Variants in ABCB5 observed in about 807,000 individuals in gnomAD.
ABCB5 encodes ATP-binding cassette sub-family B member 5.
Under a neutral mutation model 144.2 loss-of-function variants are expected in ABCB5, and 155 were observed. The observed-to-expected ratio is 1.08, with a 90% CI of 0.94 to 1.23. The LOEUF (loss-of-function observed/expected upper bound fraction) is 1.23, where lower values mean the gene tolerates loss of function less well. Ranked by LOEUF, ABCB5 falls within the 50% of genes most tolerant of loss-of-function variation. The pLI, the probability that ABCB5 is intolerant of heterozygous loss-of-function variation, is 0.00. For synonymous variants in ABCB5, 610 were observed against 528.6 expected (o/e 1.15, Z -2.11); for missense variants, 1,830 against 1,520.8 (o/e 1.20, Z -3.38).
chr7:20,753,218 C>A, intron 26 of ABCB5, 142 bp from the exon 27 acceptor site: 2 of 1,020,092 alleles, frequency 2.0e-6, no homozygotes, highest in Non-Finnish European at 2.8e-6. Context: ...CAACAAAGCC[C>A]AAGAATAGAT....
At chr7:20,677,022 T>A (rs915378267) in intron 14 of ABCB5, among the ~76,000 whole-genome samples, 3 of 152,210 alleles carry the variant, frequency 2.0e-5, no homozygotes, top group Non-Finnish European at 2.9e-5. Context: ...TTAATTACCT[T>A]GTAATGTATT....
chr7:20,721,791 T>G (rs1781876983), intron 20 of ABCB5, among the ~76,000 whole-genome samples: 1 of 152,224 alleles, frequency 6.6e-6, no homozygotes, highest in Admixed American at 6.5e-5. Context: ...AGTTAAGAAT[T>G]CACTTTAGAA....
chr7:20,752,803 G>C (rs1248827793), intron 26 of ABCB5, among the ~76,000 whole-genome samples: 1 of 152,092 alleles, frequency 6.6e-6, no homozygotes, highest in Non-Finnish European at 1.5e-5. Context: ...CCAAGATTGC[G>C]CCACTGCACT....
intron 14 of ABCB5, among the ~76,000 whole-genome samples, chr7:20,671,599 C>G (rs1451911639): frequency 1.3e-5 from 2 of 152,220 alleles, no homozygotes; most frequent in Admixed American, 1.3e-4. Flanking sequence ...TAGCTTCTTT[C>G]ATTCAGCATA....
intron 14 of ABCB5, 109 bp downstream of exon 14, chr7:20,658,785 A>T (rs1583402735): frequency 7.7e-7 from 1 of 1,302,080 alleles, no homozygotes; most frequent in African/African-American, 1.5e-5. Flanking sequence ...AGCCCTCTTA[A>T]GGTATAAAGG....
intron 8 of ABCB5, 33 bp from the exon 9 acceptor site, chr7:20,645,928 A>C (rs747577831): frequency 1.9e-6 from 3 of 1,612,450 alleles, no homozygotes; most frequent in Non-Finnish European, 2.5e-6. Flanking sequence ...TATTTTCCCC[A>C]GTGGCTACTA....
At chr7:20,633,912 G>C (rs1784093813) in intron 5 of ABCB5, among the ~76,000 whole-genome samples, 1 of 152,050 alleles carries the variant, frequency 6.6e-6, no homozygotes, top group African/African-American at 2.4e-5. Context: ...GGGCAGTTGT[G>C]TTACATGGAT....
Position 20,753,484 on chromosome 7 carries a change from C to A in ABCB5, c.3554C>A (p.Ala1185Asp), listed in dbSNP as rs377131299. Residue 1185 changes from alanine to aspartate, a missense_variant, in exon 27 of 28, where the codon GCC becomes GAC. Transcript: ENST00000404938. ...TTATTGTTGGATGAGGCCACTTCAG[C>A]CCTCGATAATGACAGTGAGAAGGTA... is the stretch of plus-strand genomic sequence containing the variant. The part of the protein sequence containing the change: ...KILLLDEATS[A>D]LDNDSEKVVQ... 250 of 1,613,354 alleles carry A rather than the reference C, an allele frequency of 1.5e-4. No homozygotes were observed. Among genetic ancestry groups the A allele is most frequent in the Non-Finnish European group, 2.0e-4 (233 of 1,179,718 alleles).
At chr7:20,717,196 A>G (rs1781701238) in intron 20 of ABCB5, among the ~76,000 whole-genome samples, 2 of 152,136 alleles carry the variant, frequency 1.3e-5, no homozygotes, top group African/African-American at 4.8e-5. Context: ...GGGGGGTGGG[A>G]GGCAGAGGAG....
chr7:20,675,799 AT>A (rs1464531427), intron 14 of ABCB5, among the ~76,000 whole-genome samples: 13 of 152,022 alleles, frequency 8.6e-5, no homozygotes, highest in Non-Finnish European at 7.4e-5. Context: ...AGGAACTCCT[AT>A]AACTCAATAG....
Position 20,700,082 on chromosome 7 carries a change from G to C in ABCB5, c.2284G>C (p.Glu762Gln). The C allele has an allele frequency of 6.2e-7, 1 of 1,613,802 alleles. No homozygotes were observed. Among genetic ancestry groups the C allele is most frequent in the South Asian group, 1.1e-5 (1 of 91,052 alleles). Reference sequence around the variant, plus strand: ...GGGATTATTTTACGGCAGAGCAGGGGAAATTTTAACGATGAGATTAAGACA... The same window carrying C: ...GGGATTATTTTACGGCAGAGCAGGGCAAATTTTAACGATGAGATTAAGACA... ...MQGLFYGRAG[E>Q]ILTMRLRHLA... The change falls in exon 19 of 28, where the codon GAA (glutamate) becomes CAA (glutamine). Residue 762 changes from glutamate (E) to glutamine (Q), a missense_variant. By Grantham distance (29) the Glu-to-Gln change is conservative (BLOSUM62 2). Coordinates refer to ENST00000404938, the MANE Select transcript of ABCB5 (RefSeq NM_001163941.2).
chr7:20,630,887 T>G (rs995105208), intron 4 of ABCB5, among the ~76,000 whole-genome samples: 1 of 152,196 alleles, frequency 6.6e-6, no homozygotes, highest in Admixed American at 6.5e-5. Flanking sequence ...AGTTTCCTGG[T>G]TTTATTGAAT....
intron 20 of ABCB5, among the ~76,000 whole-genome samples, chr7:20,716,489 C>A (rs911479943): frequency 2.0e-5 from 3 of 151,786 alleles, no homozygotes; most frequent in East Asian, 3.9e-4. Context: ...TTCCAGGAAC[C>A]AAGGGCAAAG....
chr7:20,678,159 G>A (rs1294491250), intron 14 of ABCB5, among the ~76,000 whole-genome samples: 2 of 152,120 alleles, frequency 1.3e-5, no homozygotes, highest in Non-Finnish European at 2.9e-5. Context: ...TTTTTTATGG[G>A]AAATTTTTTT....
intron 14 of ABCB5, among the ~76,000 whole-genome samples, chr7:20,668,599 G>T (rs564023961): frequency 2.1e-5 from 3 of 146,056 alleles, no homozygotes; most frequent in Non-Finnish European, 3.0e-5. Context: ...GTGGGGGGGG[G>T]GGTCAGCCCC....
chr7:20,708,096 GC>G (rs982105671), intron 20 of ABCB5, among the ~76,000 whole-genome samples: 11 of 152,046 alleles, frequency 7.2e-5, no homozygotes, highest in African/African-American at 2.7e-4. Flanking sequence ...GAGCCACCGC[GC>G]CCGGCGGTAA....
intron 2 of ABCB5, 129 bp downstream of exon 2, chr7:20,623,467 C>T (rs559891008): frequency 2.7e-6 from 2 of 736,900 alleles, no homozygotes; most frequent in South Asian, 3.4e-5. Flanking sequence ...TTTTGCTGAA[C>T]TTGAACATAA....
At chr7:20,708,094 G>T (rs1024848309) in intron 20 of ABCB5, among the ~76,000 whole-genome samples, 1 of 152,054 alleles carries the variant, frequency 6.6e-6, no homozygotes, top group Non-Finnish European at 1.5e-5. Flanking sequence ...GTGAGCCACC[G>T]CGCCCGGCGG....
At chr7:20,718,156 G>A (rs941528959) in intron 20 of ABCB5, among the ~76,000 whole-genome samples, 4 of 151,486 alleles carry the variant, frequency 2.6e-5, no homozygotes, top group Non-Finnish European at 4.4e-5. Flanking sequence ...TGACCAGCCC[G>A]CCTCGGCCTC....
Sources: gnomAD v4.1 joint callset for allele counts (sites outside exome capture counted in the v4.1 genomes callset) on GRCh38, gnomAD v4.1.1 for gene constraint, MANE v1.5 for transcripts, NCBI Gene and HGNC (gene_info 2026-07-23, HGNC 2026-07-21) for gene names.